Variants in RIMS2 observed in about 807,000 individuals in gnomAD.
RIMS2 encodes regulating synaptic membrane exocytosis protein 2.
In RIMS2, 59 loss-of-function variants were observed where a neutral mutation model predicts 174.4. The ratio of observed to expected loss-of-function variants is 0.34; its 90% CI spans 0.27 to 0.42. RIMS2 has a LOEUF of 0.42. Ranked by LOEUF, RIMS2 falls within the 10% of genes least tolerant of loss-of-function variation. The probability of loss-of-function intolerance (pLI) is 1.00; values close to 1 mark genes in which losing one functional copy is unlikely to be tolerated. For missense variants in RIMS2, 1,620 were observed against 1,666.3 expected (o/e 0.97, Z 0.48); for synonymous variants, 606 against 572.5 (o/e 1.06, Z -0.84).
At chr8:103,826,793 T>G (rs2098793801) in intron 3 of RIMS2, among the ~76,000 whole-genome samples, 1 of 151,492 alleles carries the variant, frequency 6.6e-6, no homozygotes, top group Admixed American at 6.6e-5. Context: ...GTGATCCTTC[T>G]TCCTCAGCCT....
intron 17 of RIMS2, among the ~76,000 whole-genome samples, chr8:104,011,297 C>A (rs2095754699): frequency 6.6e-6 from 1 of 152,050 alleles, no homozygotes; most frequent in Non-Finnish European, 1.5e-5. Flanking sequence ...TTTCTACCTT[C>A]TACTGTGGTT....
intron 1 of RIMS2, among the ~76,000 whole-genome samples, chr8:103,558,392 G>A (rs1319394322): frequency 6.6e-6 from 1 of 151,934 alleles, no homozygotes. Context: ...CCTGGCTAAT[G>A]TTTGTATTTT....
chr8:103,972,943 A>G (rs1230911005), intron 15 of RIMS2, among the ~76,000 whole-genome samples: 3 of 152,218 alleles, frequency 2.0e-5, no homozygotes, highest in Non-Finnish European at 4.4e-5. Context: ...ATTCTCATTA[A>G]TACCATCCAG....
chr8:103,524,672 A>G (rs10099408), intron 1 of RIMS2, among the ~76,000 whole-genome samples: 27,666 of 152,112 alleles, frequency 0.18, 2,756 homozygotes, highest in African/African-American at 0.26. Context: ...ACAGGATGCT[A>G]TGAGCCTGCA....
chr8:103,511,049 T>C (rs1390148926), intron 1 of RIMS2, among the ~76,000 whole-genome samples: 1 of 152,170 alleles, frequency 6.6e-6, no homozygotes, highest in East Asian at 1.9e-4. Flanking sequence ...TTACTATATA[T>C]GTTGTACTAT....
chr8:103,707,413 A>T (rs10096578), intron 2 of RIMS2, among the ~76,000 whole-genome samples: 1,769 of 152,240 alleles, frequency 0.012, 32 homozygotes, highest in African/African-American at 0.039. Context: ...AGTCCTTCAG[A>T]GGGTCTTCCA....
chr8:104,002,390 C>T (rs963389737), intron 17 of RIMS2, among the ~76,000 whole-genome samples: 1 of 152,084 alleles, frequency 6.6e-6, no homozygotes, highest in Admixed American at 6.6e-5. Flanking sequence ...TAACAAAGTT[C>T]AAACCTGGAT....
At chr8:103,985,447 C>G (rs1200845737) in intron 16 of RIMS2, among the ~76,000 whole-genome samples, 5 of 119,532 alleles carry the variant, frequency 4.2e-5, no homozygotes, top group African/African-American at 1.7e-4. Flanking sequence ...GCACTCCAGC[C>G]TGGGCAACAA....
At chr8:103,927,440 A>C (rs1454295592) in intron 10 of RIMS2, among the ~76,000 whole-genome samples, 2 of 151,536 alleles carry the variant, frequency 1.3e-5, no homozygotes, top group Admixed American at 6.6e-5. Flanking sequence ...ATACATTTTC[A>C]ACTAACTTCT....
intron 19 of RIMS2, among the ~76,000 whole-genome samples, chr8:104,220,096 T>A (rs563389656): frequency 6.6e-6 from 1 of 152,298 alleles, no homozygotes; most frequent in Admixed American, 6.5e-5. Flanking sequence ...CCACAAGTTG[T>A]CATTCAAGAC....
chr8:104,169,327 TATATATATATATAA>T lies in RIMS2; in HGVS notation c.3335-75587_3335-75574del, dbSNP rs1239107809. Among the ~76,000 whole-genome samples the T allele has an allele frequency of 2.2e-3, 88 of 39,118 alleles. 4 individuals are homozygous for T. The highest frequency in any genetic ancestry group is 8.2e-3 in the East Asian group (4 of 486). The allele number at this position is 39,118 out of a possible 152,430, so 25.7% of individuals were successfully genotyped here. A position where few individuals can be genotyped will look rare whatever the true frequency, so the allele number is the denominator to read the frequency against. The stretch of plus-strand genomic sequence containing the variant: ...GGCTATATATATATATATATATATA[TATATATATATATAA>T]AACAGATTCAATCTCATTACTTGTT... On this transcript the variant is annotated intron_variant, in intron 19 of 23. Coordinates refer to ENST00000504942, the Ensembl canonical transcript of RIMS2.
At chr8:103,801,024 G>T (rs1469749644) in intron 3 of RIMS2, among the ~76,000 whole-genome samples, 2 of 151,868 alleles carry the variant, frequency 1.3e-5, no homozygotes, top group African/African-American at 4.8e-5. Flanking sequence ...ATGAAGTCTT[G>T]CTTTGTCGCC....
At chr8:103,723,373 A>G (rs1272673069) in intron 2 of RIMS2, among the ~76,000 whole-genome samples, 1 of 152,174 alleles carries the variant, frequency 6.6e-6, no homozygotes, top group Non-Finnish European at 1.5e-5. Flanking sequence ...AAAGCCCTTT[A>G]CCAGTTAGCC....
intron 2 of RIMS2, 70 bp downstream of exon 4, chr8:103,697,366 A>G (rs1176674): frequency 0.37 from 427,717 of 1,155,154 alleles, 84,568 homozygotes; most frequent in East Asian, 0.77. Context: ...GTTAGAGAGT[A>G]TGTTAATTCA....
At chr8:104,120,019 G>A (rs1488400274) in intron 19 of RIMS2, among the ~76,000 whole-genome samples, 1 of 152,142 alleles carries the variant, frequency 6.6e-6, no homozygotes, top group Non-Finnish European at 1.5e-5. Flanking sequence ...ATTTCCTTAT[G>A]CTATAATAGA....
chr8:103,792,762 C>T (rs2098512212), intron 3 of RIMS2, among the ~76,000 whole-genome samples: 1 of 151,378 alleles, frequency 6.6e-6, no homozygotes, highest in African/African-American at 2.4e-5. Context: ...CACCACCAAA[C>T]CCAAGGAAAT....
chr8:103,872,274 C>G (rs1476088597), intron 3 of RIMS2, among the ~76,000 whole-genome samples: 5 of 152,264 alleles, frequency 3.3e-5, no homozygotes, highest in East Asian at 3.9e-4. Context: ...ATCACTCTCT[C>G]CTTGGCTTGT....
At chr8:103,943,848 A>C (rs1256352104) in intron 14 of RIMS2, among the ~76,000 whole-genome samples, 1 of 152,208 alleles carries the variant, frequency 6.6e-6, no homozygotes, top group Non-Finnish European at 1.5e-5. Flanking sequence ...ACTGATTGAC[A>C]TTAACCAAAT....
At chr8:103,977,180 CTAAAA>C (rs1454163750) in intron 16 of RIMS2, 5 of 152,010 alleles carry the variant, frequency 3.3e-5, no homozygotes, top group African/African-American at 1.2e-4. Flanking sequence ...ATATAAGACA[CTAAAA>C]TAAGATTTAT....
Sources: allele counts gnomAD v4.1 joint callset (sites outside exome capture counted in the v4.1 genomes callset), GRCh38; gene constraint gnomAD v4.1.1; transcripts MANE v1.5; gene names NCBI Gene and HGNC (gene_info 2026-07-23, HGNC 2026-07-21).